The following MARCHF10 variants were observed in gnomAD, a reference collection of about 807,000 sequenced individuals.
The protein encoded by MARCHF10 is probable E3 ubiquitin-protein ligase MARCHF10.
In MARCHF10, 64 loss-of-function variants were observed where a neutral mutation model predicts 76.2. That is an observed-to-expected ratio of 0.84 (90% CI 0.69 to 1.03). The LOEUF (loss-of-function observed/expected upper bound fraction) is 1.03, where lower values mean the gene tolerates loss of function less well. Among genes scored for constraint, MARCHF10 ranks in the 50% least tolerant of loss-of-function variants. The probability of loss-of-function intolerance (pLI) is 0.00; values close to 1 mark genes in which losing one functional copy is unlikely to be tolerated. For synonymous variants in MARCHF10, 340 were observed against 357.5 expected (o/e 0.95, Z 0.55); for missense variants, 875 against 958.0 (o/e 0.91, Z 1.14).
intron 7 of MARCHF10, among the ~76,000 whole-genome samples, chr17:62,724,162 G>T (rs2090635272): frequency 6.6e-6 from 1 of 151,064 alleles, no homozygotes; most frequent in Non-Finnish European, 1.5e-5. Context: ...TGATCAAGTT[G>T]CTCTTTGCAC....
Position 62,736,505 on chromosome 17 carries a change from T to A in MARCHF10, c.1363A>T (p.Ile455Phe), listed in dbSNP as rs768133898. Reference sequence around the variant, plus strand: ...CTTGGAGATATTGGTCTGCCAGAAATAAAGTAGTCAAGAGAATTTTGAGAA... The same window carrying A: ...CTTGGAGATATTGGTCTGCCAGAAAAAAAGTAGTCAAGAGAATTTTGAGAA... The part of the protein sequence containing the change: ...NSSQNSLDYF[I>F]SGRPISPRSS... The change falls in exon 6 of 11, where the codon ATT becomes TTT. Residue 455 changes from isoleucine to phenylalanine, a missense_variant. Physicochemically the swap from Ile to Phe is conservative, Grantham distance 21 (BLOSUM62 0). Coordinates refer to ENST00000311269, the MANE Select transcript of MARCHF10 (RefSeq NM_152598.4). 20 of 1,614,066 alleles carry A rather than the reference T, an allele frequency of 1.2e-5. No individual in the cohort carries two copies. Among genetic ancestry groups the A allele is most frequent in the Non-Finnish European group, 1.7e-5 (20 of 1,180,040 alleles).
intron 2 of MARCHF10, among the ~76,000 whole-genome samples, chr17:62,792,130 C>T (rs1453517855): frequency 1.3e-5 from 2 of 151,902 alleles, no homozygotes; most frequent in African/African-American, 4.8e-5. Context: ...GTTGACCCCC[C>T]ACCCCCCTAG....
intron 6 of MARCHF10, among the ~76,000 whole-genome samples, chr17:62,731,513 C>T (rs942317250): frequency 6.6e-6 from 1 of 152,144 alleles, no homozygotes; most frequent in African/African-American, 2.4e-5. Flanking sequence ...GATTCACCCA[C>T]TTTGGCCTCC....
intron 4 of MARCHF10, among the ~76,000 whole-genome samples, chr17:62,759,581 C>T (rs543835211): frequency 1.6e-4 from 24 of 152,242 alleles, no homozygotes; most frequent in South Asian, 1.5e-3. Flanking sequence ...CGGGTTCAAG[C>T]GATTCTCCTG....
chr17:62,802,762 G>A (rs975260686), intron 1 of MARCHF10, among the ~76,000 whole-genome samples: 2 of 152,130 alleles, frequency 1.3e-5, no homozygotes, highest in African/African-American at 4.8e-5. Context: ...GAAGGAGCAG[G>A]TGCAGATGAG....
chr17:62,713,070 C>T (rs567677240), intron 8 of MARCHF10, among the ~76,000 whole-genome samples: 3 of 152,222 alleles, frequency 2.0e-5, no homozygotes, highest in Non-Finnish European at 4.4e-5. Flanking sequence ...ATTGCCTCCT[C>T]CTGCCCTCCC....
intron 5 of MARCHF10, among the ~76,000 whole-genome samples, chr17:62,743,218 C>T (rs1026410172): frequency 5.3e-5 from 8 of 152,226 alleles, no homozygotes; most frequent in East Asian, 1.9e-4. Flanking sequence ...ATGCCCTTCC[C>T]GGCAGAAGGC....
intron 3 of MARCHF10, among the ~76,000 whole-genome samples, chr17:62,771,503 A>T (rs1474860485): frequency 1.3e-5 from 2 of 152,078 alleles, no homozygotes; most frequent in Non-Finnish European, 2.9e-5. Context: ...CTCAAGCTAA[A>T]AGCCACAGAA....
intron 3 of MARCHF10, among the ~76,000 whole-genome samples, chr17:62,765,532 G>T (rs1190337486): frequency 6.6e-6 from 1 of 152,074 alleles, no homozygotes; most frequent in Non-Finnish European, 1.5e-5. Flanking sequence ...GCCCTGGCTG[G>T]AGAGTGGCCT....
intron 6 of MARCHF10, among the ~76,000 whole-genome samples, chr17:62,727,264 C>T (rs1471524679): frequency 1.3e-5 from 2 of 152,110 alleles, no homozygotes; most frequent in Non-Finnish European, 2.9e-5. Flanking sequence ...GGCTACCCTA[C>T]TTTGCAAAAA....
intron 8 of MARCHF10, among the ~76,000 whole-genome samples, chr17:62,722,153 C>A (rs2090517417): frequency 6.6e-6 from 1 of 151,888 alleles, no homozygotes; most frequent in African/African-American, 2.4e-5. Flanking sequence ...TGTGGTGGCA[C>A]ACGCCTGTAA....
At chr17:62,702,070 C>T (rs1297034329) in intron 10 of MARCHF10, among the ~76,000 whole-genome samples, 2 of 152,190 alleles carry the variant, frequency 1.3e-5, no homozygotes, top group African/African-American at 4.8e-5. Context: ...GCCATTGCTT[C>T]CTCTCAGGGT....
intron 4 of MARCHF10, among the ~76,000 whole-genome samples, chr17:62,757,270 G>A (rs995590456): frequency 6.6e-6 from 1 of 152,164 alleles, no homozygotes; most frequent in African/African-American, 2.4e-5. Context: ...GGTCTGACAT[G>A]GAAGAAGTTT....
At chr17:62,740,237 C>T (rs2091458584) in intron 5 of MARCHF10, among the ~76,000 whole-genome samples, 1 of 152,114 alleles carries the variant, frequency 6.6e-6, no homozygotes, top group Non-Finnish European at 1.5e-5. Context: ...CAGGGATGTG[C>T]TATTCATAGA....
At chr17:62,806,777 G>A (rs571455400) in intron 1 of MARCHF10, 17 of 152,330 alleles carry the variant, frequency 1.1e-4, no homozygotes, top group African/African-American at 4.1e-4. Flanking sequence ...GAGGGGAACA[G>A]AATCTGATTG....
chr17:62,769,486 C>T (rs2092400884), intron 3 of MARCHF10, among the ~76,000 whole-genome samples: 1 of 152,282 alleles, frequency 6.6e-6, no homozygotes. Context: ...GGCGTGATCT[C>T]GGCTTACTGT....
intron 8 of MARCHF10, among the ~76,000 whole-genome samples, chr17:62,720,779 T>C (rs930758240): frequency 2.0e-5 from 3 of 152,134 alleles, no homozygotes; most frequent in Non-Finnish European, 4.4e-5. Flanking sequence ...AGCAGTTCAT[T>C]AATTACAGCT....
chr17:62,738,717 C>A lies in MARCHF10; in HGVS notation c.536-1385G>T, dbSNP rs755626071. 7.2e-5 allele frequency among the ~76,000 whole-genome samples: 11 copies of A among 152,208 alleles called. No homozygotes were observed. The highest frequency in any genetic ancestry group is 1.0e-4 in the Non-Finnish European group (7 of 68,038). ...CCAGTGTGAGTCTCTAATGTCCTAA[C>A]ACTCGGGCAGCTTCTTTTATTGTTA... On this transcript the variant is annotated intron_variant, in intron 5 of 10. Coordinates refer to ENST00000311269, the MANE Select transcript of MARCHF10 (RefSeq NM_152598.4). The surrounding 1 kb of genome is among the most constrained non-coding windows in gnomAD (Gnocchi z 4.0).
intron 3 of MARCHF10, among the ~76,000 whole-genome samples, chr17:62,773,422 A>G (rs982872686): frequency 7.9e-5 from 12 of 152,132 alleles, no homozygotes; most frequent in African/African-American, 2.9e-4. Flanking sequence ...TGGGCTGAGG[A>G]GTGAGTAGGA....
Sources: gnomAD v4.1 joint callset for allele counts (sites outside exome capture counted in the v4.1 genomes callset) on GRCh38, gnomAD v4.1.1 for gene constraint, Gnocchi (gnomAD v3.1) non-coding constraint, MANE v1.5 for transcripts, NCBI Gene and HGNC (gene_info 2026-07-23, HGNC 2026-07-21) for gene names.